CDS1: variants seen among roughly 807,000 people sequenced by gnomAD.
The protein encoded by CDS1 is phosphatidate cytidylyltransferase 1.
CDS1 carries 41 observed loss-of-function variants against 62.1 expected under a neutral mutation model. That is an observed-to-expected ratio of 0.66 (90% CI 0.51 to 0.86). CDS1 has a LOEUF of 0.86. CDS1 is among the 40% of genes least tolerant of loss of function. The pLI is 0.00. For missense variants in CDS1, 470 were observed against 550.1 expected (o/e 0.85, Z 1.46); for synonymous variants, 185 against 192.6 (o/e 0.96, Z 0.32).
chr4:84,635,620 TGCCTGCCTTCC>T (rs1724167242), intron 8 of CDS1, among the ~76,000 whole-genome samples: 50 of 106,444 alleles, frequency 4.7e-4, no homozygotes, highest in South Asian at 3.2e-3. Flanking sequence ...CCTGCCTGCC[TGCCTGCCTTCC>T]TTCCTTCCTT....
intron 4 of CDS1, among the ~76,000 whole-genome samples, chr4:84,618,991 TAC>T (rs759964727): frequency 6.7e-6 from 1 of 148,330 alleles, no homozygotes; most frequent in Admixed American, 6.8e-5. Context: ...ATTAAAATCA[TAC>T]ACACACACAA....
rs201393477 is a variant in CDS1, at chr4:84,619,555, A to G, written c.580+22A>G. ...GCAGGTAAGTTAAGGAATATTCTGT[A>G]TTGATATATAGTTAACATATTTTCC... On this transcript the variant is annotated intron_variant, in intron 5 of 12. Coordinates refer to ENST00000295887, the MANE Select transcript of CDS1 (RefSeq NM_001263.4). 4 of 1,395,870 alleles carry G rather than the reference A, an allele frequency of 2.9e-6. No individual in the cohort carries two copies. The Admixed American group carries it at 8.4e-5, about 29-fold the overall frequency. 86.5% of individuals were successfully genotyped at this position (1,395,870 alleles called of 1,614,324 possible). A position where few individuals can be genotyped will look rare whatever the true frequency, so the allele number is the denominator to read the frequency against.
intron 10 of CDS1, 56 bp downstream of exon 10, chr4:84,641,046 G>T: frequency 9.2e-7 from 1 of 1,083,672 alleles, no homozygotes; most frequent in Non-Finnish European, 1.2e-6. Context: ...TGAAGATTAA[G>T]CTTCCTTTAT....
At position 84,640,978 on chromosome 4, in the gene CDS1, A is replaced by C. The variant is rs777448946; in HGVS notation, c.1020A>C (p.Ala340=). The C allele has an allele frequency of 9.4e-6, 15 of 1,594,214 alleles. 1 individual carries two copies. In the South Asian group the frequency reaches 1.4e-4, roughly 15 times the overall value. ...ACTCACTTCCACCCTTTCTAAAGGCAGTCTTGAGACAGGTACAGTAAAAGT... is the reference window on the plus strand; with the variant it reads ...ACTCACTTCCACCCTTTCTAAAGGCCGTCTTGAGACAGGTACAGTAAAAGT... ...QTYSLPPFLK[A]VLRQERVSLY... The change falls in exon 10 of 13, where the codon GCA becomes GCC. Residue 340 remains alanine (A), a synonymous_variant. Coordinates refer to ENST00000295887, the MANE Select transcript of CDS1 (RefSeq NM_001263.4).
At chr4:84,590,910 G>A (rs1242123675) in intron 1 of CDS1, among the ~76,000 whole-genome samples, 9 of 152,158 alleles carry the variant, frequency 5.9e-5, no homozygotes, top group African/African-American at 1.2e-4. Context: ...TCAGTCCAGA[G>A]CCAACATAGC....
At chr4:84,626,028 G>A (rs1050020103) in intron 5 of CDS1, among the ~76,000 whole-genome samples, 41 of 151,912 alleles carry the variant, frequency 2.7e-4, no homozygotes, top group Admixed American at 2.6e-3. Flanking sequence ...TTAGCCGGGC[G>A]TGGTGGTGCA....
intron 12 of CDS1, 133 bp downstream of exon 12, chr4:84,645,458 T>TA: frequency 1.6e-6 from 1 of 616,250 alleles, no homozygotes; most frequent in Non-Finnish European, 2.9e-6. Flanking sequence ...CCCCTGGAAT[T>TA]AGAGTCTTGA....
chr4:84,639,798 A>G (rs1724323037), intron 9 of CDS1, among the ~76,000 whole-genome samples: 1 of 152,172 alleles, frequency 6.6e-6, no homozygotes, highest in African/African-American at 2.4e-5. Flanking sequence ...TCCTCTATTT[A>G]ATTTATAAAT....
intron 1 of CDS1, among the ~76,000 whole-genome samples, chr4:84,591,716 C>A (rs906039371): frequency 6.6e-6 from 1 of 152,116 alleles, no homozygotes; most frequent in Non-Finnish European, 1.5e-5. Flanking sequence ...AGCCTAAATG[C>A]CCTGCTCAGA....
chr4:84,602,932 G>A (rs1263102040), intron 1 of CDS1, among the ~76,000 whole-genome samples: 1 of 151,982 alleles, frequency 6.6e-6, no homozygotes, highest in Non-Finnish European at 1.5e-5. Flanking sequence ...ATTTAATTTC[G>A]TAATTGTGTA....
intron 1 of CDS1, among the ~76,000 whole-genome samples, chr4:84,584,917 C>T (rs1205344819): frequency 6.6e-6 from 1 of 152,102 alleles, no homozygotes; most frequent in African/African-American, 2.4e-5. Flanking sequence ...GGAAACTAGA[C>T]CCAAAATAGA....
At chr4:84,633,828 T>A in intron 6 of CDS1, 29 bp from the exon 7 acceptor site, 1 of 1,504,626 alleles carries the variant, frequency 6.6e-7, no homozygotes, top group South Asian at 1.2e-5. Flanking sequence ...TTGTGTTCAC[T>A]AATTTTTGTA....
At chr4:84,607,325 C>A (rs927111440) in intron 2 of CDS1, among the ~76,000 whole-genome samples, 10 of 151,656 alleles carry the variant, frequency 6.6e-5, no homozygotes, top group African/African-American at 2.4e-4. Context: ...GCTCTGCCAC[C>A]CAGGCTGGAG....
chr4:84,642,969 C>T lies in CDS1; in HGVS notation c.1033-55C>T, dbSNP rs1207011087. 22 of 1,549,652 alleles carry T rather than the reference C, an allele frequency of 1.4e-5. No individual in the cohort carries two copies. The Admixed American group carries it at 3.6e-4, about 25-fold the overall frequency. On this transcript the variant is annotated intron_variant, in intron 10 of 12. Transcript: ENST00000295887. ...TGGTTCTTAGATCAGGTGGTATGCT[C>T]AAATACAATTTCAGTGAAATTAGCC...
intron 12 of CDS1, among the ~76,000 whole-genome samples, chr4:84,647,222 T>C (rs1388687405): frequency 6.6e-6 from 1 of 152,310 alleles, no homozygotes; most frequent in East Asian, 1.9e-4. Context: ...AGACAGTTGA[T>C]AATCTTTATC....
intron 2 of CDS1, among the ~76,000 whole-genome samples, chr4:84,606,096 G>A (rs1478734642): frequency 1.3e-5 from 2 of 151,892 alleles, no homozygotes; most frequent in Non-Finnish European, 2.9e-5. Context: ...CATGTAATCT[G>A]TTTTATACAT....
At chr4:84,589,822 T>G (rs1560462297) in intron 1 of CDS1, among the ~76,000 whole-genome samples, 1 of 152,070 alleles carries the variant, frequency 6.6e-6, no homozygotes, top group Non-Finnish European at 1.5e-5. Flanking sequence ...TTGTTTTGTT[T>G]TGTTTTGAGA....
chr4:84,594,490 C>T (rs964596016), intron 1 of CDS1, among the ~76,000 whole-genome samples: 2 of 151,878 alleles, frequency 1.3e-5, no homozygotes, highest in Non-Finnish European at 2.9e-5. Flanking sequence ...TTCAGAGCTA[C>T]TAATGTGTCT....
At chr4:84,624,471 C>T (rs1317540234) in intron 5 of CDS1, among the ~76,000 whole-genome samples, 6 of 151,940 alleles carry the variant, frequency 3.9e-5, no homozygotes, top group East Asian at 1.9e-4. Flanking sequence ...ATGTTTATAT[C>T]CCCCCTCCCT....
Sources: allele counts gnomAD v4.1 joint callset (sites outside exome capture counted in the v4.1 genomes callset), GRCh38; gene constraint gnomAD v4.1.1; transcripts MANE v1.5; gene names NCBI Gene and HGNC (gene_info 2026-07-23, HGNC 2026-07-21).